UBR4: variants seen among roughly 807,000 people sequenced by gnomAD.
UBR4 encodes ubiquitin protein ligase E3 component n-recognin 4.
In UBR4, 124 loss-of-function variants were observed where a neutral mutation model predicts 575.6. The observed-to-expected ratio is 0.22, with a 90% CI of 0.19 to 0.25. The LOEUF (loss-of-function observed/expected upper bound fraction) is 0.25, where lower values mean the gene tolerates loss of function less well. Ranked by LOEUF, UBR4 falls within the 10% of genes least tolerant of loss-of-function variation. UBR4 has a pLI of 1.00. For synonymous variants in UBR4, 2,455 were observed against 2,473.7 expected (o/e 0.99, Z 0.22); for missense variants, 4,818 against 6,478.8 (o/e 0.74, Z 8.80).
intron 31 of UBR4, 30 bp from the exon 32 acceptor site, chr1:19,165,027 T>C: frequency 6.2e-7 from 1 of 1,610,574 alleles, no homozygotes; most frequent in Non-Finnish European, 8.5e-7. Context: ...CCAGGGTCAG[T>C]AAAGAAGGGC....
In UBR4 at chr1:19,117,129, G is replaced by A; in HGVS notation, c.10823+92C>T. The stretch of plus-strand genomic sequence containing the variant: ...GAGGATGTATTAGGCCTCTAGGGAT[G>A]TGCTGCCTTACTCCATTCCAGGAAC... On this transcript the variant is annotated intron_variant, in intron 73 of 105. Coordinates refer to ENST00000375254, the MANE Select transcript of UBR4 (RefSeq NM_020765.3). The surrounding 1 kb of genome is among the most constrained non-coding windows in gnomAD (Gnocchi z 4.0). The A allele has an allele frequency of 7.0e-7, 1 of 1,430,504 alleles. No individual in the cohort carries two copies. Among genetic ancestry groups the A allele is most frequent in the East Asian group, 2.3e-5 (1 of 43,754 alleles). The allele number at this position is 1,430,504 out of a possible 1,614,324, so 88.6% of individuals were successfully genotyped here.
rs747867083 is a variant in UBR4 at position 19,119,624 on chromosome 1, C to T, written c.10388G>A (p.Arg3463His). The change falls in exon 70 of 106, where the codon CGT (arginine) becomes CAT (histidine). Residue 3463 changes from arginine to histidine, a missense_variant. Coordinates refer to ENST00000375254, the MANE Select transcript of UBR4 (RefSeq NM_020765.3). ...SIWPELPAYG[R>H]KAAQFVDLLG... ...TAGGTCCACAAACTGGGCAGCCTTA[C>T]GACCATAGGCTGGGAGTTCTGGCCA... The T allele has an allele frequency of 3.1e-6, 5 of 1,614,074 alleles. No homozygotes were observed. The highest frequency in any genetic ancestry group is 1.1e-5 in the South Asian group (1 of 91,074).
At position 19,204,276 on chromosome 1, in the gene UBR4, C is replaced by T. The variant is rs1301249291; in HGVS notation, c.177-2461G>A. 2.6e-5 allele frequency among the ~76,000 whole-genome samples: 4 copies of T among 152,162 alleles called. No homozygotes were observed. The East Asian group carries it at 5.8e-4, about 22-fold the overall frequency. On this transcript the variant is annotated intron_variant, in intron 1 of 105. Coordinates refer to ENST00000375254, the MANE Select transcript of UBR4 (RefSeq NM_020765.3). The stretch of plus-strand genomic sequence containing the variant: ...TTGGCCTCCCAAAGTGCTGGGATTA[C>T]AGGCATGAGCCTCCACGCCTGGCCC...
At chr1:19,205,953 G>T (rs549058321) in intron 1 of UBR4, among the ~76,000 whole-genome samples, 1 of 152,126 alleles carries the variant, frequency 6.6e-6, no homozygotes, top group African/African-American at 2.4e-5. Context: ...TCAAATTGTC[G>T]AATGATAACC....
intron 9 of UBR4, 103 bp downstream of exon 9, chr1:19,193,330 A>C: frequency 6.7e-7 from 1 of 1,491,388 alleles, no homozygotes; most frequent in Non-Finnish European, 9.1e-7. Context: ...AGTAGTGTGG[A>C]GAATACTCTA....
chr1:19,197,227 T>A lies in UBR4; in HGVS notation c.932A>T (p.Asp311Val). 6.2e-7 allele frequency: 1 copy of A among 1,614,150 alleles called. No individual in the cohort carries two copies. Among genetic ancestry groups the A allele is most frequent in the Non-Finnish European group, 8.5e-7 (1 of 1,180,004 alleles). The change falls in exon 8 of 106, where the codon GAT becomes GTT. Residue 311 changes from aspartate (D) to valine (V), a missense_variant. Asp to Val is a radical substitution (Grantham distance 152, BLOSUM62 -3). This residue lies in a region of UBR4 where 131 missense variants were observed against 214.5 expected (regional missense o/e 0.61). Transcript: ENST00000375254. Reference sequence around the variant, plus strand: ...TTCCAACACAGGTAGAGAAAGGGTATCCAATGCCATAGTTACATCAATCAC... The same window carrying A: ...TTCCAACACAGGTAGAGAAAGGGTAACCAATGCCATAGTTACATCAATCAC... ...SLVIDVTMALDTLSLPVLEPL... is the reference protein window; with the variant it reads ...SLVIDVTMALVTLSLPVLEPL...
intron 81 of UBR4, among the ~76,000 whole-genome samples, chr1:19,108,819 G>C (rs911811481): frequency 1.3e-5 from 2 of 152,134 alleles, no homozygotes; most frequent in African/African-American, 2.4e-5. Context: ...CAGATTTTAG[G>C]AACTGCTGCT....
chr1:19,089,070 G>A lies in UBR4; in HGVS notation c.14212-93C>T. 1 of 1,269,276 alleles carries A rather than the reference G, an allele frequency of 7.9e-7. No individual in the cohort carries two copies. The highest frequency in any genetic ancestry group is 1.3e-5 in the South Asian group (1 of 76,176). 78.6% of individuals were successfully genotyped at this position (1,269,276 alleles called of 1,614,324 possible). On this transcript the variant is annotated intron_variant, in intron 97 of 105. Transcript: ENST00000375254. This position sits in a 1 kb window ranked among gnomAD's most constrained non-coding sequence, Gnocchi z 4.3. ...AAAGGTTTAGAAACTCAACCAGCATGCACCATCTCATGTCACCTGCTCAGC... is the reference window on the plus strand; with the variant it reads ...AAAGGTTTAGAAACTCAACCAGCATACACCATCTCATGTCACCTGCTCAGC...
intron 103 of UBR4, chr1:19,080,162 T>C (rs973684324): frequency 1.3e-5 from 2 of 152,212 alleles, no homozygotes; most frequent in African/African-American, 4.8e-5. Context: ...ATTCTCAAGA[T>C]CTAACTTTTG....
chr1:19,127,348 G>C (rs757445451), intron 63 of UBR4, among the ~76,000 whole-genome samples: 4 of 152,180 alleles, frequency 2.6e-5, no homozygotes, highest in Non-Finnish European at 5.9e-5. Context: ...TAGCCACTCT[G>C]TGCCTTGCAG....
chr1:19,173,368 CA>C, intron 23 of UBR4, 62 bp from the exon 24 acceptor site: 1 of 1,611,060 alleles, frequency 6.2e-7, no homozygotes, highest in Non-Finnish European at 8.5e-7. Flanking sequence ...TCATTATCTT[CA>C]AATTTAAAAG....
chr1:19,085,485 G>A (rs1266497974), intron 101 of UBR4, among the ~76,000 whole-genome samples: 1 of 152,216 alleles, frequency 6.6e-6, no homozygotes, highest in African/African-American at 2.4e-5. Context: ...TCACGCCACT[G>A]CACTCCAGCC....
At chr1:19,099,286 T>C (rs951771008) in intron 90 of UBR4, among the ~76,000 whole-genome samples, 4 of 152,182 alleles carry the variant, frequency 2.6e-5, no homozygotes, top group Admixed American at 6.5e-5. Flanking sequence ...ACAGCAAGCA[T>C]TCCCAGCACA....
In UBR4 at chr1:19,185,173, G is replaced by A. The variant is rs767656836; in HGVS notation, c.1864C>T (p.Arg622Trp). The A allele has an allele frequency of 9.3e-6, 15 of 1,614,036 alleles. No homozygotes were observed. The highest frequency in any genetic ancestry group is 1.7e-5 in the Admixed American group (1 of 59,996). Residue 622 changes from arginine (R) to tryptophan (W), a missense_variant, in exon 15 of 106, where the codon CGG (arginine) becomes TGG (tryptophan). Physicochemically the swap from Arg to Trp is moderately radical, Grantham distance 101. Coordinates refer to ENST00000375254, the MANE Select transcript of UBR4 (RefSeq NM_020765.3). Reference sequence around the variant, plus strand: ...GCCTGCTTACTGGGGCTTTTAACCCGAGGAGAGCTTTCCAGTGGAGGAGGT... The same window carrying A: ...GCCTGCTTACTGGGGCTTTTAACCCAAGGAGAGCTTTCCAGTGGAGGAGGT... ...PPPPPLESSPRVKSPSKQAPG... is the reference protein window; with the variant it reads ...PPPPPLESSPWVKSPSKQAPG...
rs2077731550 is a variant in UBR4, at chr1:19,093,553, G to A, written c.13938-67C>T. On this transcript the variant is annotated intron_variant, in intron 95 of 105. Coordinates refer to ENST00000375254, the MANE Select transcript of UBR4 (RefSeq NM_020765.3). The surrounding 1 kb of genome is among the most constrained non-coding windows in gnomAD (Gnocchi z 4.8). Reference sequence around the variant, plus strand: ...CAAAACCCAGTCATGTCACCCTCTTGGTTAACAACTGTCAACAGCCTATAG... The same window carrying A: ...CAAAACCCAGTCATGTCACCCTCTTAGTTAACAACTGTCAACAGCCTATAG... 1 of 1,538,452 alleles carries A rather than the reference G, an allele frequency of 6.5e-7. No homozygotes were observed. The highest frequency in any genetic ancestry group is 8.9e-7 in the Non-Finnish European group (1 of 1,124,752).
intron 1 of UBR4, among the ~76,000 whole-genome samples, chr1:19,207,015 A>G (rs1347886134): frequency 1.3e-5 from 2 of 152,250 alleles, no homozygotes; most frequent in African/African-American, 4.8e-5. Flanking sequence ...CCAGGTCGAA[A>G]GTAAGAGTTG....
intron 47 of UBR4, 132 bp from the exon 48 acceptor site, chr1:19,151,991 C>G (rs1241182460): frequency 2.2e-6 from 2 of 898,244 alleles, no homozygotes; most frequent in Admixed American, 3.2e-5. Flanking sequence ...CTGGTAATGA[C>G]TTCCTTGTTT....
chr1:19,170,200 C>T (rs1023690722), intron 26 of UBR4, among the ~76,000 whole-genome samples: 6 of 152,178 alleles, frequency 3.9e-5, no homozygotes, highest in Non-Finnish European at 8.8e-5. Flanking sequence ...GAAAAGAACA[C>T]CAGCCTGGGC....
chr1:19,175,066 T>A, intron 20 of UBR4, 33 bp from the exon 21 acceptor site: 3 of 1,560,096 alleles, frequency 1.9e-6, no homozygotes, highest in Non-Finnish European at 2.6e-6. Context: ...AAAGAATGGT[T>A]CCATTCTTAA....
Sources: allele counts gnomAD v4.1 joint callset (sites outside exome capture counted in the v4.1 genomes callset), GRCh38; gene constraint gnomAD v4.1.1; regional missense constraint gnomAD v4.1.1; non-coding constraint Gnocchi (gnomAD v3.1); transcripts MANE v1.5; gene names NCBI Gene and HGNC (gene_info 2026-07-23, HGNC 2026-07-21).